Variants in CCNP observed in about 807,000 individuals in gnomAD.
CCNP encodes the protein cyclin-P.
A neutral mutation model predicts 19.6 loss-of-function variants in CCNP; 18 were observed. The observed-to-expected ratio is 0.92, with a 90% CI of 0.64 to 1.36. The LOEUF (loss-of-function observed/expected upper bound fraction) is 1.36. Ranked by LOEUF, CCNP falls within the 40% of genes most tolerant of loss-of-function variation. CCNP has a pLI of 0.00. For missense variants in CCNP, 440 were observed against 424.4 expected (o/e 1.04, Z -0.32); for synonymous variants, 228 against 194.9 (o/e 1.17, Z -1.41).
intron 3 of CCNP, among the ~76,000 whole-genome samples, chr19:40,223,958 A>G (rs1973498544): frequency 6.7e-6 from 1 of 148,846 alleles, no homozygotes; most frequent in African/African-American, 2.6e-5. Flanking sequence ...TGGCTCCCCA[A>G]AGTGATTTGT....
At position 40,223,174 on chromosome 19, in the gene CCNP, T is replaced by TGGAGCCC. The variant is rs1234043586; in HGVS notation, c.795_801dup (p.Arg268GlyfsTer12). 4.5e-6 allele frequency: 7 copies of TGGAGCCC among 1,551,302 alleles called. No individual in the cohort carries two copies. Among genetic ancestry groups the TGGAGCCC allele is most frequent in the African/African-American group, 1.4e-5 (1 of 73,046 alleles). On this transcript the variant is annotated frameshift_variant, in exon 5 of 5. Coordinates refer to ENST00000430325, the MANE Select transcript of CCNP (RefSeq NM_024877.4). LOFTEE classifies it low-confidence loss of function (END_TRUNC). The stretch of plus-strand genomic sequence containing the variant: ...CACCTGTAAAGTTCTGGCTGGAGCC[T>TGGAGCCC]GGAGCCCGCCCCGTCGAGCAAGCGG...
At chr19:40,225,348 T>G (rs1417490125) in intron 1 of CCNP, among the ~76,000 whole-genome samples, 1 of 152,096 alleles carries the variant, frequency 6.6e-6, no homozygotes, top group Non-Finnish European at 1.5e-5. Flanking sequence ...TATGAGCCAC[T>G]GCACCCGGCC....
intron 1 of CCNP, among the ~76,000 whole-genome samples, chr19:40,225,914 C>T (rs1301355410): frequency 6.6e-6 from 1 of 152,198 alleles, no homozygotes; most frequent in Non-Finnish European, 1.5e-5. Flanking sequence ...TCAACAAACT[C>T]CTCCCTTCAG....
chr19:40,225,548 C>G (rs1973527133), intron 1 of CCNP, among the ~76,000 whole-genome samples: 1 of 152,230 alleles, frequency 6.6e-6, no homozygotes, highest in Non-Finnish European at 1.5e-5. Context: ...TCTCTCTCCC[C>G]ACAACCCATG....
At chr19:40,223,689 G>A in intron 3 of CCNP, 143 bp from the exon 4 acceptor site, 12 of 1,195,986 alleles carry the variant, frequency 1.0e-5, no homozygotes, top group Non-Finnish European at 1.3e-5. Context: ...AAGTCGTAGA[G>A]AGCACGGGCT....
chr19:40,225,499 T>C (rs564256691), intron 1 of CCNP, among the ~76,000 whole-genome samples: 5 of 152,318 alleles, frequency 3.3e-5, no homozygotes, highest in African/African-American at 7.2e-5. Context: ...GAGAAAACTC[T>C]GATTTCTTTC....
chr19:40,222,320 G>C lies in CCNP; in HGVS notation c.*732C>G. The C allele has an allele frequency of 2.5e-6, 1 of 399,086 alleles. No individual in the cohort carries two copies. The highest frequency in any genetic ancestry group is 4.4e-6 in the Non-Finnish European group (1 of 226,078). 24.7% of individuals were successfully genotyped at this position (399,086 alleles called of 1,614,324 possible). A position where few individuals can be genotyped will look rare whatever the true frequency, so the allele number is the denominator to read the frequency against. On this transcript the variant is annotated 3_prime_UTR_variant, in exon 5 of 5. Transcript: ENST00000430325. ...GAGTCCCAGTACTCAGGGAGGCTCAGACTGGAGGCGGCGGAGCAGGCAGGC... is the reference window on the plus strand; with the variant it reads ...GAGTCCCAGTACTCAGGGAGGCTCACACTGGAGGCGGCGGAGCAGGCAGGC...
Position 40,223,029 on chromosome 19 carries a change from C to A in CCNP, c.*23G>T, listed in dbSNP as rs1327137371. On this transcript the variant is annotated 3_prime_UTR_variant, in exon 5 of 5. Coordinates refer to ENST00000430325, the MANE Select transcript of CCNP (RefSeq NM_024877.4). Reference sequence around the variant, plus strand: ...CATTCTCTCCCACACCCAGAAAAATCAAGTCTAGGTGCCACCTCCTCCTCA... The same window carrying A: ...CATTCTCTCCCACACCCAGAAAAATAAAGTCTAGGTGCCACCTCCTCCTCA... 10 of 1,394,958 alleles carry A rather than the reference C, an allele frequency of 7.2e-6. No individual in the cohort carries two copies. The highest frequency in any genetic ancestry group is 9.8e-6 in the Non-Finnish European group (10 of 1,015,562). 86.4% of individuals were successfully genotyped at this position (1,394,958 alleles called of 1,614,324 possible).
In CCNP at chr19:40,223,516, A is replaced by G. The variant is rs1265957441; in HGVS notation, c.544T>C (p.Ser182Pro). The G allele has an allele frequency of 5.0e-6, 8 of 1,606,134 alleles. No individual in the cohort carries two copies. Among genetic ancestry groups the G allele is most frequent in the African/African-American group, 1.3e-5 (1 of 74,812 alleles). ...PAFLCLLSAD[S>P]FSRAELLRAE... ...CGCAGCAGCTCCGCCCGTGAGAAGG[A>G]GTCCGCGCTCAGGAGGCAGAGGAAG... The change falls in exon 4 of 5, where the codon TCC (serine) becomes CCC (proline). Residue 182 changes from serine to proline, a missense_variant. Physicochemically the swap from Ser to Pro is moderately conservative, Grantham distance 74. Transcript: ENST00000430325.
rs1451465763 is a variant in CCNP at position 40,223,156 on chromosome 19, A to G, written c.820T>C (p.Tyr274His). 8.4e-6 allele frequency: 13 copies of G among 1,551,626 alleles called. No homozygotes were observed. The highest frequency in any genetic ancestry group is 2.4e-5 in the East Asian group (1 of 40,916). ...GAGSRLQPEL[Y>H]RCSLGGGSVW... The stretch of plus-strand genomic sequence containing the variant: ...CTTCCTCCGCCAAGACTACACCTGT[A>G]AAGTTCTGGCTGGAGCCTGGAGCCC... The change falls in exon 5 of 5, where the codon TAC becomes CAC. Residue 274 changes from tyrosine to histidine, a missense_variant. Transcript: ENST00000430325.
In CCNP at chr19:40,222,576, C is replaced by A. The variant is rs1344711195; in HGVS notation, c.*476G>T. 13 of 397,968 alleles carry A rather than the reference C, an allele frequency of 3.3e-5. No individual in the cohort carries two copies. Among genetic ancestry groups the A allele is most frequent in the Admixed American group, 2.6e-4 (6 of 22,716 alleles). 24.7% of individuals were successfully genotyped at this position (397,968 alleles called of 1,614,324 possible). On this transcript the variant is annotated 3_prime_UTR_variant, in exon 5 of 5. Transcript: ENST00000430325. ...TGAGAAGAAGCGTCGATGTGGTTCC[C>A]CACGGACGGGTCGGGGGCTCTCTTG...
At position 40,224,642 on chromosome 19, in the gene CCNP, T is replaced by A. The variant is rs1973513603; in HGVS notation, c.359A>T (p.Glu120Val). The A allele has an allele frequency of 6.2e-7, 1 of 1,614,172 alleles. No individual in the cohort carries two copies. The highest frequency in any genetic ancestry group is 8.5e-7 in the Non-Finnish European group (1 of 1,180,038). Reference sequence around the variant, plus strand: ...TGTGTCACCAGCCAGACCCAGGTACTCCTGAGGAGGGGCAAGGGTGACCAC... The same window carrying A: ...TGTGTCACCAGCCAGACCCAGGTACACCTGAGGAGGGGCAAGGGTGACCAC... ...LVVDWLVQVHEYLGLAGDTLY... is the reference protein window; with the variant it reads ...LVVDWLVQVHVYLGLAGDTLY... The change falls in exon 3 of 5, where the codon GAG becomes GTG. Residue 120 changes from glutamate to valine, a missense_variant and splice_region_variant. Transcript: ENST00000430325.
At position 40,226,189 on chromosome 19, in the gene CCNP, A is replaced by T. The variant is rs372614911; in HGVS notation, c.267+186T>A. On this transcript the variant is annotated intron_variant, in intron 1 of 4. Transcript: ENST00000430325. ...GAGCCCGGGGACGGTGGGAAAGGGC[A>T]TTCCCAGCGGTAGAAACGGCGCTGT... Among the ~76,000 whole-genome samples, 29 of 152,406 alleles carry T rather than the reference A, an allele frequency of 1.9e-4. No individual in the cohort carries two copies. In the South Asian group the frequency reaches 5.2e-3, roughly 27 times the overall value.
In CCNP at chr19:40,226,364, G is replaced by A. The variant is rs1973538962; in HGVS notation, c.267+11C>T. The A allele has an allele frequency of 6.2e-7, 1 of 1,603,786 alleles. No individual in the cohort carries two copies. The highest frequency in any genetic ancestry group is 8.5e-7 in the Non-Finnish European group (1 of 1,179,156). ...GTCGCCCTCACCAGGGCAGGCGGCGGGTAGGCTCACCATGACTTCGGCGAA... is the reference window on the plus strand; with the variant it reads ...GTCGCCCTCACCAGGGCAGGCGGCGAGTAGGCTCACCATGACTTCGGCGAA... On this transcript the variant is annotated intron_variant, in intron 1 of 4. Coordinates refer to ENST00000430325, the MANE Select transcript of CCNP (RefSeq NM_024877.4).
At position 40,222,896 on chromosome 19, in the gene CCNP, C is replaced by T; in HGVS notation, c.*156G>A. The T allele has an allele frequency of 1.8e-6, 1 of 565,018 alleles. No homozygotes were observed. Among genetic ancestry groups the T allele is most frequent in the Non-Finnish European group, 3.2e-6 (1 of 315,058 alleles). 35.0% of individuals were successfully genotyped at this position (565,018 alleles called of 1,614,324 possible). A position where few individuals can be genotyped will look rare whatever the true frequency, so the allele number is the denominator to read the frequency against. ...CTCGAGGCCTGGGTGATCCTTCGTT[C>T]TCAGCCCTGGAAGGCAATAGGAGCA... On this transcript the variant is annotated 3_prime_UTR_variant, in exon 5 of 5. Coordinates refer to ENST00000430325, the MANE Select transcript of CCNP (RefSeq NM_024877.4).
chr19:40,223,568 G>T, intron 3 of CCNP, 22 bp from the exon 4 acceptor site: 1 of 1,597,706 alleles, frequency 6.3e-7, no homozygotes, highest in Non-Finnish European at 8.6e-7. Context: ...GGATGCGGGG[G>T]GAGGTGAAGG....
rs1254534046 is a variant in CCNP at position 40,224,987 on chromosome 19, C to G, written c.268-176G>C. On this transcript the variant is annotated intron_variant, in intron 1 of 4. Coordinates refer to ENST00000430325, the MANE Select transcript of CCNP (RefSeq NM_024877.4). ...TGTCCTCACCTAGAACTCTGGGCTT[C>G]GTTCCAGATGCCTCCATACCCACCT... 6.6e-6 allele frequency: 4 copies of G among 607,186 alleles called. No homozygotes were observed. The South Asian group carries it at 8.0e-5, about 12-fold the overall frequency. 37.6% of individuals were successfully genotyped at this position (607,186 alleles called of 1,614,324 possible). A position where few individuals can be genotyped will look rare whatever the true frequency, so the allele number is the denominator to read the frequency against.
Position 40,226,483 on chromosome 19 carries a change from A to T in CCNP, c.159T>A (p.Thr53=), listed in dbSNP as rs758222147. The change falls in exon 1 of 5, where the codon ACT becomes ACA. Residue 53 remains threonine, a synonymous_variant. Coordinates refer to ENST00000430325, the MANE Select transcript of CCNP (RefSeq NM_024877.4). The part of the protein sequence containing the change: ...AVPDGFPAGP[T]VSPRRLARPP... ...GCCTCGCCAGGCGTCTTGGGGAGACAGTGGGGCCCGCGGGGAAGCCGTCGG... is the reference window on the plus strand; with the variant it reads ...GCCTCGCCAGGCGTCTTGGGGAGACTGTGGGGCCCGCGGGGAAGCCGTCGG... 13 of 1,604,918 alleles carry T rather than the reference A, an allele frequency of 8.1e-6. No individual in the cohort carries two copies. The South Asian group carries it at 1.2e-4, about 15-fold the overall frequency.
rs1973490035 is a variant in CCNP at position 40,223,566 on chromosome 19, G to T, written c.514-20C>A. ...GGCGGGCTGCAGATGGGGGATGCGGGGGGAGGTGAAGGAGTCTTGGATCCG... is the reference window on the plus strand; with the variant it reads ...GGCGGGCTGCAGATGGGGGATGCGGTGGGAGGTGAAGGAGTCTTGGATCCG... On this transcript the variant is annotated intron_variant, in intron 3 of 4. Coordinates refer to ENST00000430325, the MANE Select transcript of CCNP (RefSeq NM_024877.4). 1 of 1,598,620 alleles carries T rather than the reference G, an allele frequency of 6.3e-7. No individual in the cohort carries two copies. The highest frequency in any genetic ancestry group is 1.7e-5 in the Admixed American group (1 of 58,812).
Sources: gnomAD v4.1 joint callset for allele counts (sites outside exome capture counted in the v4.1 genomes callset) on GRCh38, gnomAD v4.1.1 for gene constraint, MANE v1.5 for transcripts, NCBI Gene and HGNC (gene_info 2026-07-23, HGNC 2026-07-21) for gene names.